CLIP1: variants seen among roughly 807,000 people sequenced by gnomAD.
CLIP1 encodes CAP-Gly domain containing linker protein 1, also known as CAP-Gly domain-containing linker protein 1.
A neutral mutation model predicts 161.6 loss-of-function variants in CLIP1; 66 were observed. That is an observed-to-expected ratio of 0.41 (90% CI 0.33 to 0.50). The LOEUF (loss-of-function observed/expected upper bound fraction) is 0.50, where lower values mean the gene tolerates loss of function less well. Ranked by LOEUF, CLIP1 falls within the 20% of genes least tolerant of loss-of-function variation. The pLI is 0.27. For synonymous variants in CLIP1, 598 were observed against 626.2 expected, an observed-to-expected ratio of 0.96 and a Z score of 0.67; for missense variants, 1,376 against 1,702.0, an observed-to-expected ratio of 0.81 and a Z score of 3.37.
intron 1 of CLIP1, among the ~76,000 whole-genome samples, chr12:122,381,615 ACT>A (rs771347754): frequency 4.6e-5 from 7 of 152,202 alleles, no homozygotes; most frequent in Non-Finnish European, 7.3e-5. Flanking sequence ...CCATTTAATG[ACT>A]CTGTCAAATG....
At chr12:122,282,095 C>G (rs1955670796) in intron 21 of CLIP1, among the ~76,000 whole-genome samples, 1 of 152,182 alleles carries the variant, frequency 6.6e-6, no homozygotes, top group South Asian at 2.1e-4. Context: ...TGCCAGAATG[C>G]TTCTTATACA....
At chr12:122,276,807 A>G (rs1955446510) in intron 24 of CLIP1, 1 of 192,124 alleles carries the variant, frequency 5.2e-6, no homozygotes, top group East Asian at 1.5e-4. Flanking sequence ...CTTTTTACAA[A>G]TTTTTGTTTG....
At chr12:122,381,963 G>A (rs748998467) in intron 1 of CLIP1, among the ~76,000 whole-genome samples, 4 of 152,178 alleles carry the variant, frequency 2.6e-5, no homozygotes, top group East Asian at 3.8e-4. Flanking sequence ...ACTGGCTCAC[G>A]CCTGTAATCC....
Position 122,328,033 on chromosome 12 carries a change from CTG to C in CLIP1, c.3161_3162del (p.Thr1054ArgfsTer50). The C allele has an allele frequency of 1.2e-6, 2 of 1,614,214 alleles. No individual in the cohort carries two copies. Among genetic ancestry groups the C allele is most frequent in the Non-Finnish European group, 1.7e-6 (2 of 1,180,048 alleles). ...LQNLQKTLLD[T>X]EDKLKGAREE... ...TCCCGTGCGCCCTTCAGCTTGTCCT[CTG>C]TGTCCAGCAGCGTCTTCTGGAGGTT... On this transcript the variant is annotated frameshift_variant, in exon 17 of 26. Coordinates refer to ENST00000620786, the MANE Select transcript of CLIP1 (RefSeq NM_001247997.2). LOFTEE classifies it high-confidence loss of function.
chr12:122,381,634 T>C (rs1271310271), intron 1 of CLIP1, among the ~76,000 whole-genome samples: 3 of 152,168 alleles, frequency 2.0e-5, no homozygotes, highest in Non-Finnish European at 4.4e-5. Flanking sequence ...AATGACAATG[T>C]TCTGCATTTT....
At chr12:122,320,184 G>A (rs914380202) in intron 17 of CLIP1, among the ~76,000 whole-genome samples, 2 of 151,390 alleles carry the variant, frequency 1.3e-5, no homozygotes, top group Admixed American at 6.6e-5. Flanking sequence ...GGAGAATGGT[G>A]TGAACCTGGG....
At chr12:122,414,960 A>G (rs1956679974) in intron 1 of CLIP1, among the ~76,000 whole-genome samples, 1 of 152,116 alleles carries the variant, frequency 6.6e-6, no homozygotes, top group Admixed American at 6.6e-5. Context: ...CAGGAGGCTG[A>G]GGCATGAGAA....
chr12:122,284,033 G>C (rs1955750291), intron 21 of CLIP1, among the ~76,000 whole-genome samples: 1 of 152,062 alleles, frequency 6.6e-6, no homozygotes, highest in South Asian at 2.1e-4. Flanking sequence ...TACACGCATA[G>C]GCCTACATAT....
intron 8 of CLIP1, 149 bp from the exon 9 acceptor site, chr12:122,351,292 A>G: frequency 2.0e-6 from 1 of 508,008 alleles, no homozygotes. Context: ...GCTGATGTAA[A>G]TTATTTTAAC....
intron 3 of CLIP1, among the ~76,000 whole-genome samples, chr12:122,365,091 G>A (rs185542438): frequency 6.7e-6 from 1 of 150,300 alleles, no homozygotes; most frequent in Non-Finnish European, 1.5e-5. Context: ...GTTGTGGGGT[G>A]GGGGGAGAGG....
At chr12:122,376,174 G>C (rs1446340554) in intron 3 of CLIP1, among the ~76,000 whole-genome samples, 1 of 152,052 alleles carries the variant, frequency 6.6e-6, no homozygotes, top group African/African-American at 2.4e-5. Context: ...CTGACCTCAA[G>C]TGATCCACCC....
chr12:122,342,160 G>A (rs1476129704), intron 10 of CLIP1: 3 of 152,146 alleles, frequency 2.0e-5, no homozygotes, highest in East Asian at 3.8e-4. Flanking sequence ...ACGTTTATAG[G>A]TTAATATATA....
At chr12:122,391,760 C>T (rs887650336) in intron 1 of CLIP1, among the ~76,000 whole-genome samples, 19 of 152,028 alleles carry the variant, frequency 1.2e-4, no homozygotes, top group African/African-American at 3.6e-4. Context: ...TAGTATTTAG[C>T]GCGTTAGATA....
chr12:122,345,334 T>TA (rs397690774), intron 10 of CLIP1, among the ~76,000 whole-genome samples: 3 of 151,794 alleles, frequency 2.0e-5, no homozygotes, highest in African/African-American at 7.3e-5. Context: ...TTTTTTTTTT[T>TA]ATTTTTTGTA....
intron 1 of CLIP1, among the ~76,000 whole-genome samples, chr12:122,412,430 G>A (rs1956575471): frequency 1.3e-5 from 2 of 151,700 alleles, no homozygotes; most frequent in African/African-American, 4.8e-5. Flanking sequence ...TGAGGTGGGC[G>A]GATTTCATGA....
intron 9 of CLIP1, 82 bp downstream of exon 9, chr12:122,351,029 T>A: frequency 9.6e-7 from 1 of 1,043,982 alleles, no homozygotes; most frequent in Non-Finnish European, 1.4e-6. Context: ...CAGTTAGTGT[T>A]TGAGTATATC....
At chr12:122,289,160 G>A (rs912251337) in intron 20 of CLIP1, among the ~76,000 whole-genome samples, 8 of 151,210 alleles carry the variant, frequency 5.3e-5, no homozygotes, top group African/African-American at 1.7e-4. Context: ...GGCCAGGCGC[G>A]GTGGCTCACA....
intron 19 of CLIP1, among the ~76,000 whole-genome samples, chr12:122,312,782 T>A (rs1029791032): frequency 6.6e-6 from 1 of 152,014 alleles, no homozygotes; most frequent in African/African-American, 2.4e-5. Context: ...TAAGAAACCC[T>A]GTGTCTATAT....
At chr12:122,304,488 G>A (rs780055719) in intron 20 of CLIP1, among the ~76,000 whole-genome samples, 1 of 152,144 alleles carries the variant, frequency 6.6e-6, no homozygotes, top group Non-Finnish European at 1.5e-5. Flanking sequence ...AGTCTCCCGA[G>A]TAGCCAGAAT....
Sources: allele counts gnomAD v4.1 joint callset (sites outside exome capture counted in the v4.1 genomes callset), GRCh38; gene constraint gnomAD v4.1.1; transcripts MANE v1.5; gene names NCBI Gene and HGNC (gene_info 2026-07-23, HGNC 2026-07-21).